The following RUBCN variants were observed in gnomAD, a reference collection of about 807,000 sequenced individuals.
The protein encoded by RUBCN is rubicon autophagy regulator, also known as run domain Beclin-1-interacting and cysteine-rich domain-containing protein.
A neutral mutation model predicts 113.2 loss-of-function variants in RUBCN; 74 were observed. The ratio of observed to expected loss-of-function variants is 0.65; its 90% CI spans 0.54 to 0.79. The LOEUF is 0.79. Ranked by LOEUF, RUBCN falls within the 30% of genes least tolerant of loss-of-function variation. RUBCN has a pLI of 0.00. For synonymous variants in RUBCN, 480 were observed against 490.0 expected (o/e 0.98, Z 0.27); for missense variants, 1,109 against 1,251.7 (o/e 0.89, Z 1.72).
intron 1 of RUBCN, among the ~76,000 whole-genome samples, chr3:197,747,245 A>C (rs893905498): frequency 6.6e-6 from 1 of 152,122 alleles, no homozygotes; most frequent in South Asian, 2.1e-4. Flanking sequence ...CCTAGGCCCC[A>C]AGACTCTCAG....
intron 1 of RUBCN, among the ~76,000 whole-genome samples, chr3:197,726,395 C>T (rs1053486380): frequency 2.6e-5 from 4 of 150,956 alleles, no homozygotes; most frequent in Admixed American, 6.6e-5. Flanking sequence ...TACAGGTGCC[C>T]GCCACCATGC....
At chr3:197,701,668 T>C (rs1312241201) in intron 6 of RUBCN, 40 bp downstream of exon 6, 2 of 1,595,516 alleles carry the variant, frequency 1.3e-6, no homozygotes, top group East Asian at 2.2e-5. Context: ...TTTCCAGGGC[T>C]GGGGATAAAT....
At chr3:197,749,775 G>A (rs1292964960), upstream of RUBCN, 3 of 558,286 alleles carry the variant, frequency 5.4e-6, no homozygotes, top group East Asian at 1.1e-4. Flanking sequence ...CGCTAGGAGC[G>A]AGTCACGGCG....
intron 1 of RUBCN, among the ~76,000 whole-genome samples, chr3:197,721,055 G>A (rs190678826): frequency 1.5e-3 from 230 of 152,090 alleles, no homozygotes; most frequent in Non-Finnish European, 2.3e-3. Flanking sequence ...TATACTCATC[G>A]GGGGTACTAG....
At position 197,681,510 on chromosome 3, in the gene RUBCN, A is replaced by G. The variant is rs1298830399; in HGVS notation, c.2192-143T>C. On this transcript the variant is annotated intron_variant, in intron 15 of 19. Transcript: ENST00000296343. This position sits in a 1 kb window ranked among gnomAD's most constrained non-coding sequence, Gnocchi z 5.5. ...TCTGTCTGAGTTCCCCAAAGCTTGC[A>G]GAAATCCACATAGTGGATCCTGGGG... is the stretch of plus-strand genomic sequence containing the variant. 3.2e-5 allele frequency: 23 copies of G among 716,382 alleles called. 1 individual carries two copies. The highest frequency in any genetic ancestry group is 2.9e-4 in the South Asian group (19 of 65,700). The allele number at this position is 716,382 out of a possible 1,614,324, so 44.4% of individuals were successfully genotyped here.
Position 197,700,855 on chromosome 3 carries a change from T to G in RUBCN, c.1019A>C (p.Gln340Pro), listed in dbSNP as rs771285103. ...GCTCTCGGCATTGCTGCTGTGACTC[T>G]GACAGCTGGCAGTCCGGCCTCGGGG... ...LDPRGRTASCQSHSSNAESSS... is the reference protein window; with the variant it reads ...LDPRGRTASCPSHSSNAESSS... Residue 340 changes from glutamine (Q) to proline (P), a missense_variant, in exon 7 of 20, where the codon CAG (glutamine) becomes CCG (proline). Coordinates refer to ENST00000296343, the MANE Select transcript of RUBCN (RefSeq NM_014687.4). The G allele has an allele frequency of 6.2e-7, 1 of 1,614,028 alleles. No homozygotes were observed. Among genetic ancestry groups the G allele is most frequent in the African/African-American group, 1.3e-5 (1 of 74,892 alleles).
chr3:197,738,302 A>T (rs1349890821), upstream of RUBCN, among the ~76,000 whole-genome samples: 1 of 152,208 alleles, frequency 6.6e-6, no homozygotes, highest in African/African-American at 2.4e-5. Flanking sequence ...GCACTACTCT[A>T]TAAAGGACTG....
At chr3:197,699,058 A>G in intron 7 of RUBCN, 1 of 722,254 alleles carries the variant, frequency 1.4e-6, no homozygotes, top group East Asian at 2.7e-5. Flanking sequence ...CATTTTATAG[A>G]CAGTTCCAAG....
chr3:197,731,561 G>T (rs1727469928), intron 1 of RUBCN, among the ~76,000 whole-genome samples: 1 of 152,178 alleles, frequency 6.6e-6, no homozygotes, highest in South Asian at 2.1e-4. Flanking sequence ...TCACTTCCCA[G>T]TAGGCGCGAC....
chr3:197,716,237 C>T (rs946177569), intron 2 of RUBCN, among the ~76,000 whole-genome samples: 1 of 152,222 alleles, frequency 6.6e-6, no homozygotes, highest in Non-Finnish European at 1.5e-5. Context: ...AAGTGATTCT[C>T]CTGCCTCAGC....
At chr3:197,677,138 TGGGCACCCA>T in intron 17 of RUBCN, 100 bp from the exon 18 acceptor site, 1 of 1,301,586 alleles carries the variant, frequency 7.7e-7, no homozygotes, top group South Asian at 1.2e-5. Flanking sequence ...GTAATGAGGG[TGGGCACCCA>T]TCAGCCAGCC....
chr3:197,742,361 C>T (rs369753864), intron 1 of RUBCN, among the ~76,000 whole-genome samples: 58 of 151,928 alleles, frequency 3.8e-4, no homozygotes, highest in African/African-American at 1.4e-3. Context: ...GGCTTGGTGG[C>T]GGACGCCTGT....
chr3:197,736,881 G>A lies in RUBCN; in HGVS notation c.-162C>T. On this transcript the variant is annotated 5_prime_UTR_variant, in exon 1 of 20. Coordinates refer to ENST00000296343, the MANE Select transcript of RUBCN (RefSeq NM_014687.4). Reference sequence around the variant, plus strand: ...CGACAGCGGGAGGGACCGCCGCCTGGGCTGCGGCTTCTATCCCGGCCACCC... The same window carrying A: ...CGACAGCGGGAGGGACCGCCGCCTGAGCTGCGGCTTCTATCCCGGCCACCC... 1.5e-6 allele frequency: 2 copies of A among 1,372,720 alleles called. No individual in the cohort carries two copies. Among genetic ancestry groups the A allele is most frequent in the Non-Finnish European group, 1.9e-6 (2 of 1,070,450 alleles). 85.0% of individuals were successfully genotyped at this position (1,372,720 alleles called of 1,614,324 possible). A position where few individuals can be genotyped will look rare whatever the true frequency, so the allele number is the denominator to read the frequency against.
rs1440834574 is a variant in RUBCN at position 197,683,516 on chromosome 3, C to T, written c.1848-77G>A. The T allele has an allele frequency of 6.5e-7, 1 of 1,550,328 alleles. No individual in the cohort carries two copies. The highest frequency in any genetic ancestry group is 8.8e-7 in the Non-Finnish European group (1 of 1,130,714). ...GCGAGGCTTCCCTTCATGATCTCAT[C>T]CCCCACGCAGCAACTTCTGGGCTGG... On this transcript the variant is annotated intron_variant, in intron 12 of 19. Coordinates refer to ENST00000296343, the MANE Select transcript of RUBCN (RefSeq NM_014687.4). The surrounding 1 kb of genome is among the most constrained non-coding windows in gnomAD (Gnocchi z 4.6).
At chr3:197,678,832 G>A (rs1458199390) in intron 16 of RUBCN, among the ~76,000 whole-genome samples, 4 of 148,884 alleles carry the variant, frequency 2.7e-5, no homozygotes, top group East Asian at 4.0e-4. Flanking sequence ...ACTGTCGTAC[G>A]CTCTAACTGA....
chr3:197,727,157 C>G (rs1294808174), intron 1 of RUBCN, among the ~76,000 whole-genome samples: 1 of 152,056 alleles, frequency 6.6e-6, no homozygotes, highest in Non-Finnish European at 1.5e-5. Context: ...CCAGGCTGGT[C>G]TCGAACTCTT....
In RUBCN at chr3:197,701,828, T is replaced by C. The variant is rs1384594158; in HGVS notation, c.607A>G (p.Lys203Glu). Residue 203 changes from lysine (K) to glutamate (E), a missense_variant, in exon 6 of 20, where the codon AAG (lysine) becomes GAG (glutamate). Lys to Glu is a moderately conservative substitution (Grantham distance 56, BLOSUM62 1). Coordinates refer to ENST00000296343, the MANE Select transcript of RUBCN (RefSeq NM_014687.4). ...GGCAGGGCTGTCAGGCTCTGGCTCT[T>C]TGTCACCAGGAGCGGGCTCTCGTGC... ...RKHESPLLVT[K>E]SQSLTALPSS... 4 of 1,614,056 alleles carry C rather than the reference T, an allele frequency of 2.5e-6. No homozygotes were observed. Among genetic ancestry groups the C allele is most frequent in the Admixed American group, 3.3e-5 (2 of 60,012 alleles).
At chr3:197,717,251 G>A (rs768696690) in intron 2 of RUBCN, among the ~76,000 whole-genome samples, 3 of 152,034 alleles carry the variant, frequency 2.0e-5, no homozygotes, top group Non-Finnish European at 4.4e-5. Context: ...AGACCATCCT[G>A]GCTAACACGG....
At chr3:197,702,010 G>GCTACCTTCTACTACAGTATGTAATTTA in intron 5 of RUBCN, 146 bp from the exon 6 acceptor site, 1 of 735,060 alleles carries the variant, frequency 1.4e-6, no homozygotes, top group South Asian at 1.5e-5. Context: ...ATACAGCAAG[G>GCTACCTTCTACTACAGTATGTAATTTA]CTACCTTCTA....
Sources: gnomAD v4.1 joint callset for allele counts (sites outside exome capture counted in the v4.1 genomes callset) on GRCh38, gnomAD v4.1.1 for gene constraint, Gnocchi (gnomAD v3.1) non-coding constraint, MANE v1.5 for transcripts, NCBI Gene and HGNC (gene_info 2026-07-23, HGNC 2026-07-21) for gene names.